Variants in ERO1A observed in about 807,000 individuals in gnomAD.
ERO1A encodes the protein endoplasmic reticulum oxidoreductase 1 alpha, also known as ERO1-like protein alpha.
In ERO1A, 49 loss-of-function variants were observed where a neutral mutation model predicts 76.9. The ratio of observed to expected loss-of-function variants is 0.64; its 90% confidence interval spans 0.51 to 0.81. The LOEUF is 0.81. Ranked by LOEUF, ERO1A falls within the 30% of genes least tolerant of loss-of-function variation. The pLI, the probability that ERO1A is intolerant of heterozygous loss-of-function variation, is 0.00. For synonymous variants in ERO1A, 174 were observed against 181.2 expected (o/e 0.96, Z 0.32); for missense variants, 448 against 542.1 (o/e 0.83, Z 1.72).
At position 52,695,403 on chromosome 14, in the gene ERO1A, G is replaced by A; in HGVS notation, c.79C>T (p.Pro27Ser). 1.3e-6 allele frequency: 2 copies of A among 1,539,978 alleles called. No homozygotes were observed. The highest frequency in any genetic ancestry group is 1.8e-6 in the Non-Finnish European group (2 of 1,142,112). The change falls in exon 1 of 16, where the codon CCC becomes TCC. Residue 27 changes from proline (P) to serine (S), a missense_variant. Pro to Ser is a moderately conservative substitution (Grantham distance 74). Coordinates refer to ENST00000395686, the MANE Select transcript of ERO1A (RefSeq NM_014584.3). ...CACCTCTGTGCCGCTGTCTCCGGGGGCTGCTCCTCTCCGTGGCCCGAGCTG... is the reference window on the plus strand; with the variant it reads ...CACCTCTGTGCCGCTGTCTCCGGGGACTGCTCCTCTCCGTGGCCCGAGCTG... The part of the protein sequence containing the change: ...LLSSGHGEEQ[P>S]PETAAQRCFC...
chr14:52,671,835 C>A lies in ERO1A; in HGVS notation c.394G>T (p.Glu132Ter). 6.2e-7 allele frequency: 1 copy of A among 1,608,176 alleles called. No homozygotes were observed. Among genetic ancestry groups the A allele is most frequent in the South Asian group, 1.1e-5 (1 of 89,414 alleles). ...EEANNLIEEC[E>*]QAERLGAVDE... Reference sequence around the variant, plus strand: ...ACTGCTCCAAGTCGTTCAGCTTGTTCACATTCTTCAATGAGATTATTGGCT... The same window carrying A: ...ACTGCTCCAAGTCGTTCAGCTTGTTAACATTCTTCAATGAGATTATTGGCT... Residue 132 changes from glutamate to a stop codon, truncating the protein, a stop_gained, in exon 5 of 16, where the codon GAA becomes TAA. Transcript: ENST00000395686. LOFTEE classifies it high-confidence loss of function.
At chr14:52,675,112 G>A (rs1037574753) in intron 4 of ERO1A, among the ~76,000 whole-genome samples, 5 of 152,070 alleles carry the variant, frequency 3.3e-5, no homozygotes, top group East Asian at 3.9e-4. Flanking sequence ...GGCCGGGCAC[G>A]GTGGCTCACA....
chr14:52,677,683 ACT>A (rs1310757975), intron 4 of ERO1A, among the ~76,000 whole-genome samples: 1 of 150,858 alleles, frequency 6.6e-6, no homozygotes, highest in African/African-American at 2.4e-5. Context: ...ACATGGCAAG[ACT>A]CTATCTCTAC....
intron 4 of ERO1A, chr14:52,672,280 T>C (rs1404773232): frequency 6.5e-6 from 1 of 153,766 alleles, no homozygotes; most frequent in Non-Finnish European, 1.4e-5. Flanking sequence ...CGCTCCAGCC[T>C]GGGCGACAGA....
chr14:52,679,409 C>G (rs2040911406), intron 3 of ERO1A, among the ~76,000 whole-genome samples: 1 of 143,958 alleles, frequency 6.9e-6, no homozygotes, highest in Non-Finnish European at 1.5e-5. Context: ...GGATAAATAC[C>G]TTCCAATGAT....
chr14:52,678,831 G>A (rs1432875116), intron 3 of ERO1A, among the ~76,000 whole-genome samples: 2 of 152,150 alleles, frequency 1.3e-5, no homozygotes, highest in Non-Finnish European at 2.9e-5. Context: ...GTGGTCCTTA[G>A]TAGAATTGTT....
At chr14:52,668,595 G>C (rs554809283) in intron 6 of ERO1A, among the ~76,000 whole-genome samples, 286 of 150,312 alleles carry the variant, frequency 1.9e-3, no homozygotes, top group Non-Finnish European at 3.6e-3. Flanking sequence ...CATAAACAAC[G>C]GTCAGTATCC....
In ERO1A at chr14:52,655,654, AT is replaced by A. The variant is rs567780301; in HGVS notation, c.808+2262del. 4.5e-3 allele frequency among the ~76,000 whole-genome samples: 663 copies of A among 146,812 alleles called. 2 individuals carry two copies. The highest frequency in any genetic ancestry group is 6.5e-3 in the Non-Finnish European group (429 of 66,294). ...GAATTTCTCACTCTTATTTTATGTG[AT>A]TTTTTTTTTTAGTGGGTGAAGGTGT... On this transcript the variant is annotated intron_variant, in intron 11 of 15. Transcript: ENST00000395686.
chr14:52,682,423 T>C lies in ERO1A; in HGVS notation c.235-15A>G, dbSNP rs1292550193. ...TTCAGGTTTACCTGTAAAATAATAA[T>C]AGAAAAAAAATTATAAAAATCAGAA... is the stretch of plus-strand genomic sequence containing the variant. On this transcript the variant is annotated splice_polypyrimidine_tract_variant and intron_variant, in intron 2 of 15. Transcript: ENST00000395686. 2 of 1,555,290 alleles carry C rather than the reference T, an allele frequency of 1.3e-6. No individual in the cohort carries two copies. Among genetic ancestry groups the C allele is most frequent in the African/African-American group, 1.4e-5 (1 of 72,366 alleles).
intron 7 of ERO1A, among the ~76,000 whole-genome samples, chr14:52,665,282 G>C (rs553806379): frequency 3.0e-5 from 4 of 131,374 alleles, no homozygotes; most frequent in Non-Finnish European, 1.6e-5. Flanking sequence ...GGGCAACAGA[G>C]TGAGACTTCA....
intron 13 of ERO1A, among the ~76,000 whole-genome samples, chr14:52,649,047 CT>C (rs1397679262): frequency 6.6e-6 from 1 of 152,092 alleles, no homozygotes; most frequent in African/African-American, 2.4e-5. Context: ...AGTATATCCC[CT>C]AATTATCTCA....
intron 4 of ERO1A, among the ~76,000 whole-genome samples, chr14:52,675,411 A>G (rs1167638016): frequency 6.6e-6 from 1 of 152,022 alleles, no homozygotes; most frequent in Non-Finnish European, 1.5e-5. Context: ...GGTGGAATCT[A>G]GGTTACGGGT....
At chr14:52,693,459 G>A (rs1009676603) in intron 1 of ERO1A, among the ~76,000 whole-genome samples, 1 of 152,090 alleles carries the variant, frequency 6.6e-6, no homozygotes, top group Non-Finnish European at 1.5e-5. Flanking sequence ...GCCTATTGCG[G>A]GACCTTGTGA....
intron 1 of ERO1A, among the ~76,000 whole-genome samples, chr14:52,684,981 A>G (rs1452121312): frequency 6.6e-6 from 1 of 152,150 alleles, no homozygotes; most frequent in East Asian, 1.9e-4. Context: ...TCCAGAAAAG[A>G]GATCTTTATA....
rs946059765 is a variant in ERO1A at position 52,695,401 on chromosome 14, G to A, written c.81C>T (p.Pro27=). 2 of 1,539,056 alleles carry A rather than the reference G, an allele frequency of 1.3e-6. No individual in the cohort carries two copies. The highest frequency in any genetic ancestry group is 1.8e-6 in the Non-Finnish European group (2 of 1,141,626). Residue 27 remains proline, a synonymous_variant, in exon 1 of 16, where the codon CCC becomes CCT. Coordinates refer to ENST00000395686, the MANE Select transcript of ERO1A (RefSeq NM_014584.3). ...LLSSGHGEEQ[P]PETAAQRCFC... The stretch of plus-strand genomic sequence containing the variant: ...AGCACCTCTGTGCCGCTGTCTCCGG[G>A]GGCTGCTCCTCTCCGTGGCCCGAGC...
At chr14:52,681,107 C>A (rs1482010704) in intron 3 of ERO1A, among the ~76,000 whole-genome samples, 2 of 152,154 alleles carry the variant, frequency 1.3e-5, no homozygotes, top group Non-Finnish European at 2.9e-5. Flanking sequence ...ACAAACGGAA[C>A]TAACACATGA....
rs182618090 is a variant in ERO1A at position 52,648,610 on chromosome 14, A to C, written c.1126-2149T>G. ...GTGGCTTTTTGGCAATCATATTTTC[A>C]AAATCAACAGATACTAAAAATACTC... On this transcript the variant is annotated intron_variant, in intron 13 of 15. Coordinates refer to ENST00000395686, the MANE Select transcript of ERO1A (RefSeq NM_014584.3). 4.3e-3 allele frequency among the ~76,000 whole-genome samples: 649 copies of C among 152,228 alleles called. 10 individuals carry two copies. Among genetic ancestry groups the C allele is most frequent in the Admixed American group, 0.035 (536 of 15,290 alleles).
At chr14:52,688,869 A>G (rs931190883) in intron 1 of ERO1A, among the ~76,000 whole-genome samples, 3 of 152,250 alleles carry the variant, frequency 2.0e-5, no homozygotes, top group Non-Finnish European at 4.4e-5. Context: ...AACACTTTCT[A>G]AAGTTTTCTT....
intron 13 of ERO1A, among the ~76,000 whole-genome samples, chr14:52,649,533 A>G (rs996776395): frequency 6.6e-6 from 1 of 152,160 alleles, no homozygotes; most frequent in Non-Finnish European, 1.5e-5. Flanking sequence ...ATAGGACATT[A>G]AAGGTGAGTG....
Sources: gnomAD v4.1 joint callset for allele counts (sites outside exome capture counted in the v4.1 genomes callset) on GRCh38, gnomAD v4.1.1 for gene constraint, MANE v1.5 for transcripts, NCBI Gene and HGNC (gene_info 2026-07-23, HGNC 2026-07-21) for gene names.